Variants in FILIP1 observed in about 807,000 individuals in gnomAD.
FILIP1 encodes filamin A interacting protein 1, also known as filamin-A-interacting protein 1.
A neutral mutation model predicts 102.1 loss-of-function variants in FILIP1; 61 were observed. The observed-to-expected ratio is 0.60, with a 90% CI of 0.49 to 0.74. The LOEUF is 0.74. Ranked by LOEUF, FILIP1 falls within the 30% of genes least tolerant of loss-of-function variation. The probability of loss-of-function intolerance (pLI) is 0.00; values close to 1 mark genes in which losing one functional copy is unlikely to be tolerated. For synonymous variants in FILIP1, 491 were observed against 526.9 expected (o/e 0.93, Z 0.93); for missense variants, 1,314 against 1,441.2 (o/e 0.91, Z 1.43).
chr6:75,321,666 C>A (rs1279400214), intron 4 of FILIP1, among the ~76,000 whole-genome samples: 1 of 152,088 alleles, frequency 6.6e-6, no homozygotes, highest in Admixed American at 6.5e-5. Flanking sequence ...CGGTGGCGGG[C>A]GCCTGTAGTC....
chr6:75,424,091 T>C (rs1777559017), intron 1 of FILIP1, among the ~76,000 whole-genome samples: 1 of 152,178 alleles, frequency 6.6e-6, no homozygotes, highest in South Asian at 2.1e-4. Flanking sequence ...AAAATGAGGC[T>C]TACAGACTTG....
At chr6:75,320,866 T>C (rs1271878715) in intron 4 of FILIP1, among the ~76,000 whole-genome samples, 3 of 152,226 alleles carry the variant, frequency 2.0e-5, no homozygotes, top group South Asian at 2.1e-4. Flanking sequence ...CTTCTCTATA[T>C]GGGCTGAGCA....
intron 4 of FILIP1, among the ~76,000 whole-genome samples, chr6:75,318,424 A>G (rs1345341534): frequency 2.0e-5 from 3 of 151,772 alleles, no homozygotes; most frequent in African/African-American, 7.3e-5. Flanking sequence ...TTGTAGAGAC[A>G]GAGTCGCCCC....
At chr6:75,451,748 C>T (rs1188564503) in intron 1 of FILIP1, among the ~76,000 whole-genome samples, 1 of 151,978 alleles carries the variant, frequency 6.6e-6, no homozygotes, top group Non-Finnish European at 1.5e-5. Flanking sequence ...GCAGGAGAAT[C>T]GCTTGAACCC....
At chr6:75,337,430 A>G (rs961268108) in intron 4 of FILIP1, among the ~76,000 whole-genome samples, 1 of 152,244 alleles carries the variant, frequency 6.6e-6, no homozygotes, top group African/African-American at 2.4e-5. Context: ...TAAAGAGGAC[A>G]TGATTCCTGA....
At chr6:75,375,505 G>A (rs996018628) in intron 2 of FILIP1, among the ~76,000 whole-genome samples, 2 of 152,194 alleles carry the variant, frequency 1.3e-5, no homozygotes, top group African/African-American at 4.8e-5. Flanking sequence ...TGGAACATGT[G>A]TGGGTCATTT....
chr6:75,491,768 T>G (rs1582584097), intron 1 of FILIP1, among the ~76,000 whole-genome samples: 1 of 152,300 alleles, frequency 6.6e-6, no homozygotes, highest in Non-Finnish European at 1.5e-5. Flanking sequence ...CTGTTGATTC[T>G]CAAGAATAAA....
exon 7 of FILIP1, chr6:75,291,913 A>C (rs139333787): frequency 2.8e-4 from 43 of 152,380 alleles, no homozygotes; most frequent in African/African-American, 1.0e-3. Context: ...AAGATATTGC[A>C]CAATGCTTTA....
chr6:75,461,320 G>A (rs756608395), intron 1 of FILIP1, among the ~76,000 whole-genome samples: 5 of 152,200 alleles, frequency 3.3e-5, no homozygotes, highest in Non-Finnish European at 7.3e-5. Flanking sequence ...GCTAAAATTT[G>A]AGCCTAAGCA....
In FILIP1 at chr6:75,452,909, A is replaced by C. The variant is rs139632961; in HGVS notation, c.-6-37931T>G. Among the ~76,000 whole-genome samples, 679 of 152,338 alleles carry C rather than the reference A, an allele frequency of 4.5e-3. 4 individuals are homozygous for C. Among genetic ancestry groups the C allele is most frequent in the African/African-American group, 0.015 (626 of 41,584 alleles). Reference sequence around the variant, plus strand: ...TGATGCCATTTAACATGAAGGTGTCATATTTTGATGAGACAAAAAGCCAGA... The same window carrying C: ...TGATGCCATTTAACATGAAGGTGTCCTATTTTGATGAGACAAAAAGCCAGA... On this transcript the variant is annotated intron_variant, in intron 1 of 5. Coordinates refer to ENST00000237172, the MANE Select transcript of FILIP1 (RefSeq NM_015687.5).
intron 1 of FILIP1, among the ~76,000 whole-genome samples, chr6:75,465,737 T>G (rs930160729): frequency 1.3e-5 from 2 of 152,202 alleles, no homozygotes; most frequent in Non-Finnish European, 2.9e-5. Context: ...CACTAATTTT[T>G]GTCCACTTGA....
intron 1 of FILIP1, among the ~76,000 whole-genome samples, chr6:75,431,806 T>C (rs1029207712): frequency 3.9e-5 from 6 of 152,144 alleles, no homozygotes; most frequent in African/African-American, 9.7e-5. Flanking sequence ...TCCAAGGGAA[T>C]ATACACAAAG....
rs1475108428 is a variant in FILIP1, at chr6:75,313,406, G to C, written c.2426C>G (p.Ala809Gly). ...TTCCTCTGCTGCTTCACCGCTGACT[G>C]CATCAGTTTGGACTCCAGTTGACGT... ...PVTSTGVQTD[A>G]VSGEAAEEET... Residue 809 changes from alanine to glycine, a missense_variant, in exon 5 of 6, where the codon GCA becomes GGA. Physicochemically the swap from Ala to Gly is moderately conservative, Grantham distance 60. Coordinates refer to ENST00000237172, the MANE Select transcript of FILIP1 (RefSeq NM_015687.5). The surrounding 1 kb of genome is among the most constrained non-coding windows in gnomAD (Gnocchi z 4.2). The C allele has an allele frequency of 3.7e-6, 6 of 1,614,074 alleles. No individual in the cohort carries two copies. The Admixed American group carries it at 6.7e-5, about 18-fold the overall frequency.
At chr6:75,311,916 T>C (rs1016490865) in intron 5 of FILIP1, among the ~76,000 whole-genome samples, 1 of 149,166 alleles carries the variant, frequency 6.7e-6, no homozygotes, top group Admixed American at 6.7e-5. Flanking sequence ...AAGTTTTTGA[T>C]ATTAAAATCT....
chr6:75,476,100 G>T (rs1041080915), intron 1 of FILIP1, among the ~76,000 whole-genome samples: 2 of 152,118 alleles, frequency 1.3e-5, no homozygotes, highest in African/African-American at 4.8e-5. Context: ...AATTAGCTGG[G>T]TGTGGTGGCA....
intron 2 of FILIP1, among the ~76,000 whole-genome samples, chr6:75,372,744 A>AAG (rs1775606959): frequency 3.5e-5 from 2 of 57,902 alleles, no homozygotes; most frequent in African/African-American, 1.6e-4. Context: ...GAAAGAAAGA[A>AAG]AGAAAGAAAG....
At chr6:75,297,217 TTAAG>T (rs1772706173) in intron 6 of FILIP1, among the ~76,000 whole-genome samples, 1 of 152,216 alleles carries the variant, frequency 6.6e-6, no homozygotes, top group Non-Finnish European at 1.5e-5. Flanking sequence ...TACCTAGTAT[TTAAG>T]TTTTATTTTT....
chr6:75,476,545 T>G (rs1779480273), intron 1 of FILIP1, among the ~76,000 whole-genome samples: 1 of 152,228 alleles, frequency 6.6e-6, no homozygotes, highest in African/African-American at 2.4e-5. Flanking sequence ...ATGCAGAATC[T>G]TTTCAGGAAT....
rs528569955 is a variant in FILIP1, at chr6:75,447,677, T to A, written c.-6-32699A>T. Among the ~76,000 whole-genome samples the A allele has an allele frequency of 3.0e-4, 45 of 152,284 alleles. No homozygotes were observed. The South Asian group carries it at 9.3e-3, about 32-fold the overall frequency. On this transcript the variant is annotated intron_variant, in intron 1 of 5. Coordinates refer to ENST00000237172, the MANE Select transcript of FILIP1 (RefSeq NM_015687.5). ...TGAAGTTATTTTTGCATTCTAGGTGTATGGGATTTTGATCAAGGATACTTT... is the reference window on the plus strand; with the variant it reads ...TGAAGTTATTTTTGCATTCTAGGTGAATGGGATTTTGATCAAGGATACTTT...
Sources: gnomAD v4.1 joint callset for allele counts (sites outside exome capture counted in the v4.1 genomes callset) on GRCh38, gnomAD v4.1.1 for gene constraint, Gnocchi (gnomAD v3.1) non-coding constraint, MANE v1.5 for transcripts, NCBI Gene and HGNC (gene_info 2026-07-23, HGNC 2026-07-21) for gene names.